The following FAM117B variants were observed in gnomAD, a reference collection of about 807,000 sequenced individuals.
The protein encoded by FAM117B is family with sequence similarity 117 member B.
FAM117B carries 22 observed loss-of-function variants against 52.8 expected under a neutral mutation model. The ratio of observed to expected loss-of-function variants is 0.42; its 90% CI spans 0.30 to 0.59. The LOEUF (loss-of-function observed/expected upper bound fraction) is 0.59, where lower values mean the gene tolerates loss of function less well. FAM117B is among the 20% of genes least tolerant of loss of function. The pLI, the probability that FAM117B is intolerant of heterozygous loss-of-function variation, is 0.22. For synonymous variants in FAM117B, 309 were observed against 324.1 expected (o/e 0.95, Z 0.50); for missense variants, 678 against 802.6 (o/e 0.84, Z 1.88).
intron 4 of FAM117B, among the ~76,000 whole-genome samples, chr2:202,746,423 T>C (rs1342257865): frequency 6.6e-6 from 1 of 151,780 alleles, no homozygotes; most frequent in Non-Finnish European, 1.5e-5. Context: ...AAAATGCAAG[T>C]ACAACATACC....
chr2:202,654,160 AAAGACAGT>A (rs1690018699), intron 1 of FAM117B, among the ~76,000 whole-genome samples: 1 of 147,450 alleles, frequency 6.8e-6, no homozygotes, highest in African/African-American at 2.7e-5. Context: ...GATTGAAAAG[AAAGACAGT>A]AATATTAAAT....
chr2:202,679,371 A>G (rs1395435466), intron 1 of FAM117B, among the ~76,000 whole-genome samples: 4 of 152,250 alleles, frequency 2.6e-5, no homozygotes, highest in African/African-American at 7.2e-5. Flanking sequence ...GTGGCTGGAA[A>G]GAGCTGGACA....
chr2:202,740,037 G>C (rs1401616845), intron 4 of FAM117B, among the ~76,000 whole-genome samples: 1 of 151,360 alleles, frequency 6.6e-6, no homozygotes, highest in African/African-American at 2.4e-5. Context: ...GCCAGGCGTG[G>C]TGGCGGGCGC....
chr2:202,759,880 T>G (rs192988554), intron 7 of FAM117B, among the ~76,000 whole-genome samples: 117 of 151,752 alleles, frequency 7.7e-4, no homozygotes, highest in Non-Finnish European at 1.3e-3. Context: ...ATTTTAAAGT[T>G]TGGAGAGACA....
intron 4 of FAM117B, among the ~76,000 whole-genome samples, chr2:202,746,953 A>C (rs965992231): frequency 2.6e-4 from 29 of 110,250 alleles, no homozygotes; most frequent in South Asian, 6.1e-4. Flanking sequence ...CACCGGAAAA[A>C]AAAACAAAAC....
At position 202,765,901 on chromosome 2, in the gene FAM117B, A is replaced by C; in HGVS notation, c.*137A>C. The stretch of plus-strand genomic sequence containing the variant: ...TGACATGTGACGGCGAGGCTTCTGG[A>C]AGAAAGGATCCCCCGTGACGGCTCT... On this transcript the variant is annotated 3_prime_UTR_variant, in exon 8 of 8. Coordinates refer to ENST00000392238, the MANE Select transcript of FAM117B (RefSeq NM_173511.4). 1 of 917,940 alleles carries C rather than the reference A, an allele frequency of 1.1e-6. No individual in the cohort carries two copies. The highest frequency in any genetic ancestry group is 1.6e-6 in the Non-Finnish European group (1 of 621,078). The allele number at this position is 917,940 out of a possible 1,614,324, so 56.9% of individuals were successfully genotyped here.
rs1043853242 is a variant in FAM117B, at chr2:202,764,271, T to TTG, written c.1452-1164_1452-1163dup. Among the ~76,000 whole-genome samples, 14 of 152,120 alleles carry TTG rather than the reference T, an allele frequency of 9.2e-5. No individual in the cohort carries two copies. In the South Asian group the frequency reaches 1.3e-3, roughly 14 times the overall value. ...TTTTTATTGAACTGATTTAGATTTT[T>TTG]TGTGTGTGTGTGAGACAGGGTCTTG... On this transcript the variant is annotated intron_variant, in intron 7 of 7. Transcript: ENST00000392238.
rs1691405622 is a variant in FAM117B, at chr2:202,734,285, G to C, written c.960+7922G>C. On this transcript the variant is annotated intron_variant, in intron 4 of 7. Transcript: ENST00000392238. ...CGTTGTAGTCCCAGCTACTAGGGAG[G>C]CTGAGGTGGGGGGATTACTTGAGCC... Among the ~76,000 whole-genome samples, 3 of 152,196 alleles carry C rather than the reference G, an allele frequency of 2.0e-5. No homozygotes were observed. In the South Asian group the frequency reaches 6.2e-4, roughly 31 times the overall value.
At chr2:202,759,173 A>C in intron 6 of FAM117B, 60 bp from the exon 7 acceptor site, 1 of 1,586,792 alleles carries the variant, frequency 6.3e-7, no homozygotes, top group Non-Finnish European at 8.6e-7. Flanking sequence ...TAGTCCAAGA[A>C]CAATTAAATA....
At chr2:202,642,429 G>A (rs1030796988) in intron 1 of FAM117B, among the ~76,000 whole-genome samples, 21 of 151,034 alleles carry the variant, frequency 1.4e-4, no homozygotes, top group African/African-American at 4.4e-4. Context: ...CTGAATTTTG[G>A]GGGAATGGCA....
rs1184979921 is a variant in FAM117B, at chr2:202,635,595, C to T, written c.408C>T (p.Ser136=). 4 of 1,261,996 alleles carry T rather than the reference C, an allele frequency of 3.2e-6. No homozygotes were observed. The highest frequency in any genetic ancestry group is 5.7e-5 in the South Asian group (2 of 35,138). The allele number at this position is 1,261,996 out of a possible 1,614,324, so 78.2% of individuals were successfully genotyped here. A position where few individuals can be genotyped will look rare whatever the true frequency, so the allele number is the denominator to read the frequency against. Residue 136 remains serine, a synonymous_variant, in exon 1 of 8, where the codon AGC becomes AGT. Coordinates refer to ENST00000392238, the MANE Select transcript of FAM117B (RefSeq NM_173511.4). ...GCGCCGCGCCTGGAGCTCGCGGGAGCCCCCCACGGCCGCCGCCGCCGCCGC... is the reference window on the plus strand; with the variant it reads ...GCGCCGCGCCTGGAGCTCGCGGGAGTCCCCCACGGCCGCCGCCGCCGCCGC... ...TRSAAPGARG[S]PPRPPPPPPL...
chr2:202,737,704 C>A (rs556665880), intron 4 of FAM117B, among the ~76,000 whole-genome samples: 1 of 151,876 alleles, frequency 6.6e-6, no homozygotes, highest in Admixed American at 6.6e-5. Context: ...TGGGTTCAAG[C>A]GATTTTCCCG....
intron 2 of FAM117B, among the ~76,000 whole-genome samples, chr2:202,707,451 C>T (rs1488955471): frequency 6.6e-6 from 1 of 151,990 alleles, no homozygotes; most frequent in East Asian, 2.0e-4. Context: ...TGCCTGTAAT[C>T]CCAGCACTTT....
Position 202,664,478 on chromosome 2 carries a change from A to G in FAM117B, c.601+28690A>G, listed in dbSNP as rs555698314. ...GAGACAACTGAGGCATTGGCCCTGG[A>G]TACATGTTTTTGGTGTCTGCCAGAA... On this transcript the variant is annotated intron_variant, in intron 1 of 7. Transcript: ENST00000392238. Among the ~76,000 whole-genome samples the G allele has an allele frequency of 5.3e-5, 8 of 152,322 alleles. No homozygotes were observed. In the East Asian group the frequency reaches 1.5e-3, roughly 29 times the overall value.
chr2:202,684,674 T>A (rs905548911), intron 1 of FAM117B, among the ~76,000 whole-genome samples: 5 of 149,072 alleles, frequency 3.4e-5, no homozygotes, highest in Admixed American at 2.6e-4. Context: ...ATAACTTCAT[T>A]TAGGCATGAA....
At chr2:202,699,350 C>G (rs1037595773) in intron 2 of FAM117B, among the ~76,000 whole-genome samples, 2 of 146,700 alleles carry the variant, frequency 1.4e-5, no homozygotes, top group African/African-American at 5.1e-5. Context: ...TTGCTTGAAC[C>G]CGGGAGGTGG....
In FAM117B at chr2:202,654,306, C is replaced by T. The variant is rs745958657; in HGVS notation, c.601+18518C>T. Among the ~76,000 whole-genome samples the T allele has an allele frequency of 5.3e-5, 8 of 150,738 alleles. No homozygotes were observed. The East Asian group carries it at 7.8e-4, about 15-fold the overall frequency. On this transcript the variant is annotated intron_variant, in intron 1 of 7. Transcript: ENST00000392238. ...AGTTGCTGGGATTTCAGGCATGAGC[C>T]ACCATGCCTGACATTTGTCTTTTGT...
At chr2:202,755,246 G>A (rs1205526160) in intron 4 of FAM117B, among the ~76,000 whole-genome samples, 1 of 152,090 alleles carries the variant, frequency 6.6e-6, no homozygotes, top group African/African-American at 2.4e-5. Flanking sequence ...TGTTACAGTC[G>A]TAAAAGAATT....
chr2:202,706,983 T>A (rs1690880251), intron 2 of FAM117B, among the ~76,000 whole-genome samples: 1 of 152,202 alleles, frequency 6.6e-6, no homozygotes, highest in Non-Finnish European at 1.5e-5. Context: ...TGTCCTTTCT[T>A]ATTTCACATG....
Sources: gnomAD v4.1 joint callset for allele counts (sites outside exome capture counted in the v4.1 genomes callset) on GRCh38, gnomAD v4.1.1 for gene constraint, MANE v1.5 for transcripts, NCBI Gene and HGNC (gene_info 2026-07-23, HGNC 2026-07-21) for gene names.